PDE1A: variants seen among roughly 807,000 people sequenced by gnomAD.
The protein encoded by PDE1A is phosphodiesterase 1A.
PDE1A carries 35 observed loss-of-function variants against 61.7 expected under a neutral mutation model. That is an observed-to-expected ratio of 0.57 (90% confidence interval 0.43 to 0.75). PDE1A has a LOEUF of 0.75. PDE1A is among the 30% of genes least tolerant of loss of function. The pLI is 0.00. For missense variants in PDE1A, 597 were observed against 630.6 expected (o/e 0.95, Z 0.57); for synonymous variants, 232 against 213.2 (o/e 1.09, Z -0.77).
chr2:182,484,436 T>C (rs1248196285), intron 2 of PDE1A, among the ~76,000 whole-genome samples: 1 of 151,806 alleles, frequency 6.6e-6, no homozygotes, highest in Non-Finnish European at 1.5e-5. Flanking sequence ...GGCAATACCA[T>C]CCTGGATACA....
At chr2:182,534,443 T>C in the PDE1A span, among the ~76,000 whole-genome samples, 10 of 152,152 alleles carry the variant, frequency 6.6e-5, no homozygotes, top group South Asian at 2.1e-3. Flanking sequence ...ATCTGCAATG[T>C]CTGAACATTC....
intron 2 of PDE1A, among the ~76,000 whole-genome samples, chr2:182,259,414 T>A (rs1692066288): frequency 6.6e-6 from 1 of 152,176 alleles, no homozygotes; most frequent in African/African-American, 2.4e-5. Context: ...GTGTTATGTA[T>A]CCCAGAGTTA....
intron 1 of PDE1A, among the ~76,000 whole-genome samples, chr2:182,332,782 C>A (rs1228531409): frequency 6.6e-6 from 1 of 152,064 alleles, no homozygotes; most frequent in Non-Finnish European, 1.5e-5. Flanking sequence ...TGTTAGTTGA[C>A]CCCTGCTGGG....
the PDE1A span, among the ~76,000 whole-genome samples, chr2:182,657,622 A>G: frequency 1.3e-5 from 2 of 151,806 alleles, no homozygotes; most frequent in African/African-American, 4.8e-5. Context: ...AAAAATAACA[A>G]AAACACCTGA....
At chr2:182,386,305 C>A (rs1701076864) in intron 1 of PDE1A, among the ~76,000 whole-genome samples, 1 of 151,834 alleles carries the variant, frequency 6.6e-6, no homozygotes, top group South Asian at 2.1e-4. Context: ...CTTGGCCGCC[C>A]ATCATCTGGG....
chr2:182,305,323 C>A (rs569410206), intron 1 of PDE1A, among the ~76,000 whole-genome samples: 7 of 151,592 alleles, frequency 4.6e-5, no homozygotes, highest in African/African-American at 1.7e-4. Flanking sequence ...ATGAATAAGC[C>A]ATTTTTTTTT....
chr2:182,262,985 G>T (rs1692335422), intron 2 of PDE1A, among the ~76,000 whole-genome samples: 1 of 151,758 alleles, frequency 6.6e-6, no homozygotes, highest in South Asian at 2.1e-4. Flanking sequence ...GTGTGTGTGT[G>T]TGTGTGTATC....
intron 1 of PDE1A, among the ~76,000 whole-genome samples, chr2:182,360,529 GTTT>G (rs200227796): frequency 2.7e-4 from 35 of 128,594 alleles, no homozygotes; most frequent in East Asian, 1.5e-3. Context: ...GCAGTTTAGT[GTTT>G]TTTTTTTTTT....
At chr2:182,340,253 G>T (rs1426536022) in intron 1 of PDE1A, among the ~76,000 whole-genome samples, 2 of 152,148 alleles carry the variant, frequency 1.3e-5, no homozygotes, top group African/African-American at 4.8e-5. Flanking sequence ...CAATTTAAAT[G>T]TTATTCTTCA....
the PDE1A span, among the ~76,000 whole-genome samples, chr2:182,610,403 C>T: frequency 2.6e-5 from 4 of 152,108 alleles, no homozygotes; most frequent in Admixed American, 2.6e-4. Flanking sequence ...AAAGTCCTCC[C>T]TCAGCTCCTA....
At chr2:182,612,975 T>C in the PDE1A span, among the ~76,000 whole-genome samples, 5 of 152,330 alleles carry the variant, frequency 3.3e-5, no homozygotes, top group Middle Eastern at 0.01. Context: ...ATGAGTTCTT[T>C]TACTCACACT....
intron 13 of PDE1A, among the ~76,000 whole-genome samples, chr2:182,161,015 A>G (rs1691348898): frequency 6.6e-6 from 1 of 152,224 alleles, no homozygotes; most frequent in African/African-American, 2.4e-5. Flanking sequence ...TTCAGGAGGT[A>G]AGGAGTTCAG....
intron 2 of PDE1A, among the ~76,000 whole-genome samples, chr2:182,446,434 T>C (rs886750251): frequency 2.0e-5 from 3 of 152,124 alleles, no homozygotes; most frequent in African/African-American, 7.2e-5. Context: ...TTTACTGCCA[T>C]TAAACATTTG....
At chr2:182,412,660 C>T (rs749621801) in intron 1 of PDE1A, among the ~76,000 whole-genome samples, 1 of 152,152 alleles carries the variant, frequency 6.6e-6, no homozygotes, top group Non-Finnish European at 1.5e-5. Flanking sequence ...CTACCACTAA[C>T]TAGCTGTGAG....
At chr2:182,311,178 CATATT>C (rs1396701613) in intron 1 of PDE1A, among the ~76,000 whole-genome samples, 5 of 152,188 alleles carry the variant, frequency 3.3e-5, no homozygotes, top group African/African-American at 1.2e-4. Flanking sequence ...TTTCCTAACT[CATATT>C]ATAACTTCAC....
At chr2:182,419,980 A>T (rs1313672606) in intron 1 of PDE1A, among the ~76,000 whole-genome samples, 11 of 151,600 alleles carry the variant, frequency 7.3e-5, no homozygotes, top group Non-Finnish European at 1.5e-5. Context: ...GGGAGCTGAT[A>T]CCCTTACTTA....
chr2:182,356,648 C>A (rs1005130307), intron 1 of PDE1A, among the ~76,000 whole-genome samples: 2 of 151,904 alleles, frequency 1.3e-5, no homozygotes, highest in African/African-American at 4.8e-5. Flanking sequence ...GTGGGAGAAT[C>A]TCTTGAACCT....
intron 6 of PDE1A, among the ~76,000 whole-genome samples, chr2:182,226,470 A>G (rs1689152233): frequency 6.7e-6 from 1 of 149,934 alleles, no homozygotes; most frequent in Non-Finnish European, 1.5e-5. Context: ...CTGAACTTTC[A>G]CACTTAATTT....
intron 2 of PDE1A, among the ~76,000 whole-genome samples, chr2:182,454,838 G>A (rs894702514): frequency 1.5e-4 from 23 of 151,038 alleles, no homozygotes; most frequent in African/African-American, 5.1e-4. Flanking sequence ...TAGGCAATAC[G>A]ATTGAGGACA....
Sources: allele counts gnomAD v4.1 joint callset (sites outside exome capture counted in the v4.1 genomes callset), GRCh38; gene constraint gnomAD v4.1.1; transcripts MANE v1.5; gene names NCBI Gene and HGNC (gene_info 2026-07-23, HGNC 2026-07-21).